The following CPNE1 variants were observed in gnomAD, a reference collection of about 807,000 sequenced individuals.
CPNE1 encodes the protein copine 1.
In CPNE1, 58 loss-of-function variants were observed where a neutral mutation model predicts 63.2. That is an observed-to-expected ratio of 0.92 (90% CI 0.74 to 1.14). The LOEUF (loss-of-function observed/expected upper bound fraction) is 1.14. Among genes scored for constraint, CPNE1 ranks in the 50% most tolerant of loss-of-function variants. The pLI, the probability that CPNE1 is intolerant of heterozygous loss-of-function variation, is 0.00. For missense variants in CPNE1, 672 were observed against 661.7 expected (o/e 1.02, Z -0.17); for synonymous variants, 237 against 249.0 (o/e 0.95, Z 0.45).
intron 1 of CPNE1, chr20:35,654,254 A>G: frequency 6.2e-7 from 1 of 1,614,218 alleles, no homozygotes; most frequent in East Asian, 2.2e-5. Flanking sequence ...AAAGCTTCAA[A>G]TGTATCTTGA....
chr20:35,643,816 G>A (rs2032959956), intron 1 of CPNE1, among the ~76,000 whole-genome samples: 1 of 152,118 alleles, frequency 6.6e-6, no homozygotes, highest in African/African-American at 2.4e-5. Flanking sequence ...CCTACCAATA[G>A]GTAAGGGCCC....
In CPNE1 at chr20:35,631,752, G is replaced by C; in HGVS notation, c.563C>G (p.Thr188Arg). Residue 188 changes from threonine (T) to arginine (R), a missense_variant, in exon 7 of 16, where the codon ACA (threonine) becomes AGA (arginine). Transcript: ENST00000397443. ...SEVIKNNLNP[T>R]WKRFSVPVQH... ...AACGGGGACTGAGAAACGCTTCCAT[G>C]TAGGGTTCAGGTTGTTCTTGATGAC... The C allele has an allele frequency of 6.2e-7, 1 of 1,614,036 alleles. No individual in the cohort carries two copies. The highest frequency in any genetic ancestry group is 8.5e-7 in the Non-Finnish European group (1 of 1,179,982).
chr20:35,641,457 A>G (rs1263751142), intron 1 of CPNE1, among the ~76,000 whole-genome samples: 1 of 152,222 alleles, frequency 6.6e-6, no homozygotes, highest in African/African-American at 2.4e-5. Context: ...CACAATAATG[A>G]CATACTACAA....
chr20:35,632,344 C>T lies in CPNE1; in HGVS notation c.351G>A (p.Lys117=). ...SQVLTLPLML[K]PGKPAGRGTI... is the part of the protein sequence containing the mutation. ...TCCCCCGCCCAGCAGGTTTTCCAGG[C>T]TTCAGCATCAAGGGGAGAGTCAGTA... Residue 117 remains lysine, a synonymous_variant, in exon 4 of 16, where the codon AAG becomes AAA. Transcript: ENST00000397443. The T allele has an allele frequency of 6.2e-7, 1 of 1,614,132 alleles. No individual in the cohort carries two copies. Among genetic ancestry groups the T allele is most frequent in the Non-Finnish European group, 8.5e-7 (1 of 1,180,016 alleles).
At chr20:35,630,859 A>G (rs756426191) in intron 11 of CPNE1, 42 bp downstream of exon 11, 105 of 1,603,762 alleles carry the variant, frequency 6.5e-5, no homozygotes, top group Non-Finnish European at 8.3e-5. Flanking sequence ...AGGCTGAAGC[A>G]TCTGCAGGGA....
At chr20:35,647,474 C>T (rs763033613) in intron 1 of CPNE1, 1 of 152,012 alleles carries the variant, frequency 6.6e-6, no homozygotes, top group Non-Finnish European at 1.5e-5. Context: ...GGGCTATTGA[C>T]AGAATTCAAG....
rs6579255 is a variant in CPNE1, at chr20:35,631,574, T to C, written c.632A>G (p.Gln211Arg). ...GGNPSTPIQV[Q>R]CSDYDSDGSH... ...CCCGTCACTGTCATAATCGGAGCAT[T>C]GCACCTGAGGGAAAGGTGTGTGTGG... Residue 211 changes from glutamine (Q) to arginine (R), a missense_variant, in exon 8 of 16, where the codon CAA (glutamine) becomes CGA (arginine). Gln to Arg is a conservative substitution (Grantham distance 43). Transcript: ENST00000397443. 0.2 allele frequency: 321,649 copies of C among 1,611,990 alleles called. 35,961 individuals carry two copies. Among genetic ancestry groups the C allele is most frequent in the African/African-American group, 0.41 (30,766 of 74,842 alleles).
At chr20:35,647,314 C>CCA (rs1491126478) in intron 1 of CPNE1, 1 of 88,174 alleles carries the variant, frequency 1.1e-5, no homozygotes, top group African/African-American at 4.4e-5. Flanking sequence ...GACTTTGTCT[C>CCA]AAAAAAAAAA....
intron 1 of CPNE1, among the ~76,000 whole-genome samples, chr20:35,640,516 C>G (rs1417969185): frequency 6.6e-6 from 1 of 152,134 alleles, no homozygotes; most frequent in Non-Finnish European, 1.5e-5. Context: ...CACATCTTGG[C>G]TCGATGTCTC....
At position 35,626,166 on chromosome 20, in the gene CPNE1, G is replaced by C. The variant is rs557042693; in HGVS notation, c.*75C>G. 1.7e-5 allele frequency: 25 copies of C among 1,455,024 alleles called. No homozygotes were observed. The African/African-American group carries it at 2.9e-4, about 17-fold the overall frequency. 90.1% of individuals were successfully genotyped at this position (1,455,024 alleles called of 1,614,324 possible). A position where few individuals can be genotyped will look rare whatever the true frequency, so the allele number is the denominator to read the frequency against. On this transcript the variant is annotated 3_prime_UTR_variant, in exon 16 of 16. Transcript: ENST00000397443. ...ACAAAGTGCTAGCACTGAGGAGAGTGAGAAGGGTTGGGTTGTGGCCCAGAG... is the reference window on the plus strand; with the variant it reads ...ACAAAGTGCTAGCACTGAGGAGAGTCAGAAGGGTTGGGTTGTGGCCCAGAG...
rs189734429 is a variant in CPNE1, at chr20:35,634,293, C to T, written c.1-1370G>A. 1.2e-4 allele frequency among the ~76,000 whole-genome samples: 18 copies of T among 148,864 alleles called. No homozygotes were observed. In the East Asian group the frequency reaches 3.4e-3, roughly 28 times the overall value. The stretch of plus-strand genomic sequence containing the variant: ...AAAAAAAAAAAGTGAGGTCATATCA[C>T]GCCTCTGCCTGAACCCTCTAGTACT... On this transcript the variant is annotated intron_variant, in intron 1 of 15. Transcript: ENST00000397443.
chr20:35,654,067 C>T, intron 1 of CPNE1: 1 of 1,614,210 alleles, frequency 6.2e-7, no homozygotes, highest in Non-Finnish European at 8.5e-7. Context: ...TGACCTTGAT[C>T]TTTTCTGCCC....
At chr20:35,660,656 G>A (rs2034182505) in intron 1 of CPNE1, among the ~76,000 whole-genome samples, 2 of 152,204 alleles carry the variant, frequency 1.3e-5, no homozygotes, top group Admixed American at 1.3e-4. Flanking sequence ...ATGAAGTACT[G>A]TAATATTTAT....
chr20:35,627,423 A>G lies in CPNE1; in HGVS notation c.1103-10T>C. ...ACAATGCCCTGGATGCCTGCAGAGG[A>G]GAGCAAGAAATACCGTAAAATCCTG... On this transcript the variant is annotated splice_polypyrimidine_tract_variant and intron_variant, in intron 13 of 15. Coordinates refer to ENST00000397443, the MANE Select transcript of CPNE1 (RefSeq NM_152925.3). 6.2e-7 allele frequency: 1 copy of G among 1,613,358 alleles called. No individual in the cohort carries two copies. The highest frequency in any genetic ancestry group is 8.5e-7 in the Non-Finnish European group (1 of 1,179,746).
At chr20:35,634,118 A>G (rs1225954145) in intron 1 of CPNE1, among the ~76,000 whole-genome samples, 2 of 150,760 alleles carry the variant, frequency 1.3e-5, no homozygotes, top group East Asian at 3.9e-4. Context: ...AAAATTAGCC[A>G]GGTGTGGTGG....
intron 1 of CPNE1, chr20:35,647,503 T>C (rs1206151473): frequency 2.6e-5 from 4 of 151,994 alleles, no homozygotes; most frequent in African/African-American, 7.3e-5. Context: ...TTGTGATTTT[T>C]CCCAGCACTC....
intron 1 of CPNE1, among the ~76,000 whole-genome samples, chr20:35,633,976 A>G (rs76981374): frequency 1.4e-5 from 2 of 141,832 alleles, no homozygotes; most frequent in African/African-American, 5.3e-5. Context: ...AAAAAAAAAA[A>G]AAAGGCCGGG....
chr20:35,626,631 G>GT lies in CPNE1; in HGVS notation c.1408dup (p.Thr470AsnfsTer100), dbSNP rs1254208818. On this transcript the variant is annotated frameshift_variant, in exon 15 of 16. Coordinates refer to ENST00000397443, the MANE Select transcript of CPNE1 (RefSeq NM_152925.3). LOFTEE classifies it high-confidence loss of function. ...GCGGGCAGCAGCCTGCCCAGAACGT[G>GT]TATGCAGGGGTCCACCATCAGCGTC... 1 of 1,614,180 alleles carries GT rather than the reference G, an allele frequency of 6.2e-7. No homozygotes were observed. The highest frequency in any genetic ancestry group is 1.7e-5 in the Admixed American group (1 of 60,020).
At chr20:35,636,679 C>G (rs1277795439) in intron 1 of CPNE1, among the ~76,000 whole-genome samples, 1 of 152,066 alleles carries the variant, frequency 6.6e-6, no homozygotes, top group African/African-American at 2.4e-5. Context: ...CACCTGTAGT[C>G]CCAGCTACTC....
Sources: gnomAD v4.1 joint callset for allele counts (sites outside exome capture counted in the v4.1 genomes callset) on GRCh38, gnomAD v4.1.1 for gene constraint, MANE v1.5 for transcripts, NCBI Gene and HGNC (gene_info 2026-07-23, HGNC 2026-07-21) for gene names.